The following ITGBL1 variants were observed in gnomAD, a reference collection of about 807,000 sequenced individuals.
ITGBL1 encodes integrin beta-like protein 1.
ITGBL1 carries 51 observed loss-of-function variants against 68.5 expected under a neutral mutation model. That is an observed-to-expected ratio of 0.74 (90% CI 0.59 to 0.94). ITGBL1 has a LOEUF of 0.94. Ranked by LOEUF, ITGBL1 falls within the 40% of genes least tolerant of loss-of-function variation. ITGBL1 has a pLI of 0.00. For missense variants in ITGBL1, 649 were observed against 647.4 expected, an observed-to-expected ratio of 1.00 and a Z score of -0.03; for synonymous variants, 209 against 227.3, an observed-to-expected ratio of 0.92 and a Z score of 0.72.
intron 8 of ITGBL1, among the ~76,000 whole-genome samples, chr13:101,695,501 A>C (rs1258052581): frequency 6.6e-6 from 1 of 152,246 alleles, no homozygotes; most frequent in East Asian, 1.9e-4. Flanking sequence ...GAGCTTAAAC[A>C]TGATCACAGT....
chr13:101,700,965 G>A (rs2034122660), intron 8 of ITGBL1, among the ~76,000 whole-genome samples: 1 of 152,024 alleles, frequency 6.6e-6, no homozygotes, highest in South Asian at 2.1e-4. Flanking sequence ...TTCTTCCCTA[G>A]AAGACCGTAA....
chr13:101,671,376 C>G (rs1363183788), intron 7 of ITGBL1, among the ~76,000 whole-genome samples: 1 of 151,382 alleles, frequency 6.6e-6, no homozygotes, highest in Non-Finnish European at 1.5e-5. Flanking sequence ...AGGAAACTTT[C>G]CCTCTTAAGC....
At chr13:101,524,435 A>G (rs2049338482) in intron 2 of ITGBL1, among the ~76,000 whole-genome samples, 1 of 151,870 alleles carries the variant, frequency 6.6e-6, no homozygotes, top group Non-Finnish European at 1.5e-5. Flanking sequence ...TTAAAAAATG[A>G]CACCAGGGCT....
At chr13:101,475,384 A>T (rs899730366) in intron 2 of ITGBL1, among the ~76,000 whole-genome samples, 1 of 152,180 alleles carries the variant, frequency 6.6e-6, no homozygotes, top group African/African-American at 2.4e-5. Flanking sequence ...TTGAATAGTT[A>T]GAAGAGACAA....
At chr13:101,548,879 C>G (rs2049873209) in intron 2 of ITGBL1, among the ~76,000 whole-genome samples, 1 of 151,604 alleles carries the variant, frequency 6.6e-6, no homozygotes, top group Non-Finnish European at 1.5e-5. Context: ...ACTACTCTCT[C>G]CAAGAAATTC....
chr13:101,632,041 T>G (rs879369931), intron 7 of ITGBL1, among the ~76,000 whole-genome samples: 3 of 151,994 alleles, frequency 2.0e-5, no homozygotes, highest in Non-Finnish European at 4.4e-5. Context: ...AAAAATTGAT[T>G]GAATTTCTTA....
Position 101,522,766 on chromosome 13 carries a change from T to C in ITGBL1, c.317-44933T>C, listed in dbSNP as rs545004922. ...CTTTGTTATTTGCCTTTGATAAAAA[T>C]GATGACAAGTCAGATTTGAGGAGCT... is the stretch of plus-strand genomic sequence containing the variant. On this transcript the variant is annotated intron_variant, in intron 2 of 10. Coordinates refer to ENST00000376180, the MANE Select transcript of ITGBL1 (RefSeq NM_004791.3). 1.3e-3 allele frequency among the ~76,000 whole-genome samples: 199 copies of C among 152,232 alleles called. 1 individual carries two copies. The highest frequency in any genetic ancestry group is 4.6e-3 in the African/African-American group (189 of 41,538).
In ITGBL1 at chr13:101,590,350, T is replaced by G. The variant is rs16959169; in HGVS notation, c.868+6994T>G. Among the ~76,000 whole-genome samples the G allele has an allele frequency of 9.0e-3, 1,375 of 152,288 alleles. 22 individuals carry two copies. The highest frequency in any genetic ancestry group is 0.031 in the African/African-American group (1,299 of 41,558). On this transcript the variant is annotated intron_variant, in intron 6 of 10. Transcript: ENST00000376180. ...TAAGAACGTTCTCCCTTCAGTCGTG[T>G]GTCTCCCTTTGTACCTGCCTTTATC...
chr13:101,509,894 A>G (rs948800833), intron 2 of ITGBL1, among the ~76,000 whole-genome samples: 2 of 143,494 alleles, frequency 1.4e-5, no homozygotes, highest in African/African-American at 5.1e-5. Context: ...ATTGGTTACT[A>G]TAACAATTAA....
intron 2 of ITGBL1, chr13:101,490,016 CA>C (rs1273025492): frequency 7.1e-7 from 1 of 1,402,578 alleles, no homozygotes; most frequent in South Asian, 1.2e-5. Flanking sequence ...TAGTATTTTT[CA>C]TTAAATTTTA....
At chr13:101,493,479 A>G (rs76172027) in intron 2 of ITGBL1, among the ~76,000 whole-genome samples, 4,898 of 152,040 alleles carry the variant, frequency 0.032, 266 homozygotes, top group African/African-American at 0.11. Flanking sequence ...ACTCACTTTT[A>G]TGGTCTGGAG....
rs182737527 is a variant in ITGBL1 at position 101,561,370 on chromosome 13, C to G, written c.317-6329C>G. Among the ~76,000 whole-genome samples the G allele has an allele frequency of 1.3e-4, 20 of 152,254 alleles. No homozygotes were observed. In the East Asian group the frequency reaches 2.1e-3, roughly 16 times the overall value. On this transcript the variant is annotated intron_variant, in intron 2 of 10. Transcript: ENST00000376180. ...TATCCAGACATTTAGTACCTGTTTC[C>G]CCTATAAAACAAAATCTTTCACTGT...
intron 7 of ITGBL1, among the ~76,000 whole-genome samples, chr13:101,676,769 G>A (rs1310630937): frequency 5.9e-5 from 9 of 152,082 alleles, no homozygotes; most frequent in Admixed American, 4.6e-4. Flanking sequence ...AGTGGAAAAG[G>A]AGTCGGTTGA....
intron 7 of ITGBL1, among the ~76,000 whole-genome samples, chr13:101,667,211 TG>T (rs2033242292): frequency 6.6e-6 from 1 of 152,208 alleles, no homozygotes; most frequent in African/African-American, 2.4e-5. Context: ...GAGATTGTTT[TG>T]GCCTTCCAAG....
chr13:101,477,203 T>A (rs968666710), intron 2 of ITGBL1, among the ~76,000 whole-genome samples: 1 of 152,106 alleles, frequency 6.6e-6, no homozygotes, highest in Non-Finnish European at 1.5e-5. Context: ...TTGGAAACTA[T>A]GCAGACACAC....
chr13:101,471,747 C>T (rs371279905), intron 2 of ITGBL1, among the ~76,000 whole-genome samples: 32 of 151,830 alleles, frequency 2.1e-4, no homozygotes, highest in African/African-American at 7.7e-4. Context: ...CTTGAGATCT[C>T]TTAAATCTTT....
chr13:101,626,642 C>T (rs1434473409), intron 7 of ITGBL1, among the ~76,000 whole-genome samples: 1 of 151,968 alleles, frequency 6.6e-6, no homozygotes, highest in Non-Finnish European at 1.5e-5. Context: ...ATTTTTAATA[C>T]AAATGAAGGA....
In ITGBL1 at chr13:101,588,659, T is replaced by A. The variant is rs1276389371; in HGVS notation, c.868+5303T>A. 2.0e-5 allele frequency among the ~76,000 whole-genome samples: 3 copies of A among 150,598 alleles called. No homozygotes were observed. The Admixed American group carries it at 2.0e-4, about 10-fold the overall frequency. ...AGATGAAGGACACAAGTCTCCTGAT[T>A]TCTTCTTTTATGACCTTTTCACTAT... On this transcript the variant is annotated intron_variant, in intron 6 of 10. Coordinates refer to ENST00000376180, the MANE Select transcript of ITGBL1 (RefSeq NM_004791.3).
intron 7 of ITGBL1, among the ~76,000 whole-genome samples, chr13:101,678,988 C>T (rs1177124912): frequency 3.3e-5 from 5 of 151,650 alleles, no homozygotes. Context: ...TGATCTGCAA[C>T]CTCCGACTCC....
Sources: gnomAD v4.1 joint callset for allele counts (sites outside exome capture counted in the v4.1 genomes callset) on GRCh38, gnomAD v4.1.1 for gene constraint, MANE v1.5 for transcripts, NCBI Gene and HGNC (gene_info 2026-07-23, HGNC 2026-07-21) for gene names.